Variants in SIGLEC5 observed in about 807,000 individuals in gnomAD.
SIGLEC5 encodes sialic acid-binding Ig-like lectin 5.
SIGLEC5 carries 34 observed loss-of-function variants against 45.9 expected under a neutral mutation model. That is an observed-to-expected ratio of 0.74 (90% CI 0.56 to 0.99). The LOEUF (loss-of-function observed/expected upper bound fraction) is 0.99. Among genes scored for constraint, SIGLEC5 ranks in the 50% least tolerant of loss-of-function variants. The probability of loss-of-function intolerance (pLI) is 0.00; values close to 1 mark genes in which losing one functional copy is unlikely to be tolerated. For synonymous variants in SIGLEC5, 203 were observed against 258.6 expected (o/e 0.79, Z 2.06); for missense variants, 508 against 629.6 (o/e 0.81, Z 2.07).
intron 8 of SIGLEC5, among the ~76,000 whole-genome samples, chr19:51,613,939 T>G (rs1982953012): frequency 6.6e-6 from 1 of 152,032 alleles, no homozygotes; most frequent in Admixed American, 6.5e-5. Flanking sequence ...CAAGGTGTCT[T>G]ATGTGCAAAC....
chr19:51,614,686 T>G (rs964341893), intron 8 of SIGLEC5, among the ~76,000 whole-genome samples: 1 of 152,162 alleles, frequency 6.6e-6, no homozygotes, highest in African/African-American at 2.4e-5. Flanking sequence ...CTCAGATTAG[T>G]AAATAGGACA....
At chr19:51,628,131 G>C (rs775967007) in intron 4 of SIGLEC5, 40 bp from the exon 5 acceptor site, 2 of 1,493,648 alleles carry the variant, frequency 1.3e-6, no homozygotes, top group African/African-American at 2.8e-5. Flanking sequence ...GATGGGGCCA[G>C]GGAGGCTGAC....
chr19:51,628,669 C>A (rs968903687), intron 4 of SIGLEC5, among the ~76,000 whole-genome samples: 1 of 147,114 alleles, frequency 6.8e-6, no homozygotes, highest in South Asian at 2.2e-4. Context: ...TGCATGTGTG[C>A]GTGTGTATGT....
In SIGLEC5 at chr19:51,627,688, T is replaced by C. The variant is rs533765364; in HGVS notation, c.1056A>G (p.Arg352=). 6.2e-7 allele frequency: 1 copy of C among 1,609,730 alleles called. No individual in the cohort carries two copies. The highest frequency in any genetic ancestry group is 1.7e-5 in the Admixed American group (1 of 59,456). Residue 352 remains arginine, a synonymous_variant, in exon 6 of 9, where the codon AGA becomes AGG. Coordinates refer to ENST00000683636, the MANE Select transcript of SIGLEC5 (RefSeq NM_003830.4). ...CSWEAEGLHC[R]CSFRARPAPS... ...GGGCCGGCCGGGCTCGAAAGGAGCA[T>C]CTGCAGTGCAGACCCTCAGCCTCCC...
chr19:51,627,424 C>T, intron 6 of SIGLEC5, 38 bp downstream of exon 6: 1 of 1,580,840 alleles, frequency 6.3e-7, no homozygotes, highest in Non-Finnish European at 8.6e-7. Context: ...CCATGCCCCT[C>T]CCCTCAGGCC....
chr19:51,628,918 G>A, intron 4 of SIGLEC5, 120 bp downstream of exon 4: 1 of 987,360 alleles, frequency 1.0e-6, no homozygotes, highest in Non-Finnish European at 1.6e-6. Context: ...GAAGCCAGAA[G>A]GCAGTAATTC....
Position 51,624,254 on chromosome 19 carries a change from G to A in SIGLEC5, c.1464+1778C>T, listed in dbSNP as rs147036077. ...ATACAATGTTGAGTCTACAAAGCAA[G>A]TCCAAGAAGTGTGCGTGGAACATGA... On this transcript the variant is annotated intron_variant, in intron 8 of 8. Transcript: ENST00000683636. Among the ~76,000 whole-genome samples, 5 of 152,264 alleles carry A rather than the reference G, an allele frequency of 3.3e-5. No individual in the cohort carries two copies. In the East Asian group the frequency reaches 9.6e-4, roughly 29 times the overall value.
chr19:51,623,881 C>T (rs4802831), intron 8 of SIGLEC5, among the ~76,000 whole-genome samples: 133,561 of 152,234 alleles, frequency 0.88, 58,784 homozygotes, highest in East Asian at 0.96. Context: ...AGGTGATAGA[C>T]ACAATCATAA....
chr19:51,616,925 A>AAAC (rs1983084512), intron 8 of SIGLEC5, among the ~76,000 whole-genome samples: 1 of 147,400 alleles, frequency 6.8e-6, no homozygotes, highest in African/African-American at 2.5e-5. Context: ...AAAACAAAAA[A>AAAC]AAAAAACACT....
intron 4 of SIGLEC5, 84 bp downstream of exon 4, chr19:51,628,954 T>C (rs976788238): frequency 1.5e-6 from 2 of 1,323,738 alleles, no homozygotes; most frequent in African/African-American, 1.5e-5. Context: ...CCAAATCTGA[T>C]TGCATTCAAG....
chr19:51,620,873 A>G (rs1983259203), intron 8 of SIGLEC5, among the ~76,000 whole-genome samples: 1 of 152,122 alleles, frequency 6.6e-6, no homozygotes, highest in Admixed American at 6.6e-5. Context: ...TTTTGTAGAG[A>G]TGGAGGGCTC....
At position 51,621,538 on chromosome 19, in the gene SIGLEC5, G is replaced by GC. The variant is rs1312622431; in HGVS notation, c.1464+4493dup. The GC allele has an allele frequency of 3.9e-5, 6 of 152,344 alleles. No homozygotes were observed. In the East Asian group the frequency reaches 1.2e-3, roughly 29 times the overall value. 9.4% of individuals were successfully genotyped at this position (152,344 alleles called of 1,614,324 possible). A position where few individuals can be genotyped will look rare whatever the true frequency, so the allele number is the denominator to read the frequency against. ...AGGCATTTCTTGCTCAGTACCTGAA[G>GC]CCCAAAAGGATGAGTTGATTCTTTA... On this transcript the variant is annotated intron_variant, in intron 8 of 8. Coordinates refer to ENST00000683636, the MANE Select transcript of SIGLEC5 (RefSeq NM_003830.4).
chr19:51,626,124 A>C lies in SIGLEC5; in HGVS notation c.1383-11T>G. On this transcript the variant is annotated splice_polypyrimidine_tract_variant and intron_variant, in intron 7 of 8. Coordinates refer to ENST00000683636, the MANE Select transcript of SIGLEC5 (RefSeq NM_003830.4). ...CTGCGGGCTTTCACTCTAAGGAAAG[A>C]AACCAGCACAGTGCAGCTGGGACCA... The C allele has an allele frequency of 1.2e-6, 2 of 1,612,468 alleles. No homozygotes were observed. The highest frequency in any genetic ancestry group is 1.7e-6 in the Non-Finnish European group (2 of 1,179,286).
rs760002872 is a variant in SIGLEC5 at position 51,627,946 on chromosome 19, A to G, written c.885T>C (p.Asn295=). The G allele has an allele frequency of 6.2e-7, 1 of 1,614,046 alleles. No homozygotes were observed. Among genetic ancestry groups the G allele is most frequent in the South Asian group, 1.1e-5 (1 of 91,070 alleles). The part of the protein sequence containing the change: ...SPALNATPIS[N]TGILELRRVR... ...CTCGACGAAGCTCCAAGATCCCGGTATTGGAGATGGGGGTGGCGTTCAGGG... is the reference window on the plus strand; with the variant it reads ...CTCGACGAAGCTCCAAGATCCCGGTGTTGGAGATGGGGGTGGCGTTCAGGG... The change falls in exon 5 of 9, where the codon AAT becomes AAC. Residue 295 remains asparagine, a synonymous_variant. Coordinates refer to ENST00000683636, the MANE Select transcript of SIGLEC5 (RefSeq NM_003830.4).
chr19:51,627,004 A>T (rs1188916211), intron 7 of SIGLEC5, 145 bp downstream of exon 7: 1 of 624,198 alleles, frequency 1.6e-6, no homozygotes, highest in Non-Finnish European at 2.8e-6. Flanking sequence ...TCCATGATCA[A>T]GTGATCCTCC....
Position 51,611,325 on chromosome 19 carries a change from A to G in SIGLEC5, c.*906T>C, listed in dbSNP as rs1377803762. Among the ~76,000 whole-genome samples, 2 of 152,268 alleles carry G rather than the reference A, an allele frequency of 1.3e-5. No homozygotes were observed. Among genetic ancestry groups the G allele is most frequent in the African/African-American group, 2.4e-5 (1 of 41,462 alleles). On this transcript the variant is annotated 3_prime_UTR_variant, in exon 9 of 9. Transcript: ENST00000683636. ...CCACTCTTCCAACTCAAGACCACCC[A>G]TTAACTCATGTTTGGAGGAAAAGAT... is the stretch of plus-strand genomic sequence containing the variant.
rs925484185 is a variant in SIGLEC5, at chr19:51,611,646, A to G, written c.*585T>C. ...GTCTCATAAATGAAGGACTGGAGCC[A>G]AAGGAATATGATGCAAGGATTGCAG... On this transcript the variant is annotated 3_prime_UTR_variant, in exon 9 of 9. Coordinates refer to ENST00000683636, the MANE Select transcript of SIGLEC5 (RefSeq NM_003830.4). Among the ~76,000 whole-genome samples, 17 of 152,220 alleles carry G rather than the reference A, an allele frequency of 1.1e-4. No individual in the cohort carries two copies. The highest frequency in any genetic ancestry group is 1.9e-4 in the Non-Finnish European group (13 of 68,038).
At position 51,627,506 on chromosome 19, in the gene SIGLEC5, C is replaced by CG. The variant is rs1421763835; in HGVS notation, c.1237_1238insC (p.Trp413SerfsTer66). The CG allele has an allele frequency of 6.2e-7, 1 of 1,613,946 alleles. No individual in the cohort carries two copies. The highest frequency in any genetic ancestry group is 8.5e-7 in the Non-Finnish European group (1 of 1,180,028). On this transcript the variant is annotated frameshift_variant, in exon 6 of 9. Coordinates refer to ENST00000683636, the MANE Select transcript of SIGLEC5 (RefSeq NM_003830.4). LOFTEE classifies it high-confidence loss of function. ...GCCGCTCTGGGACCCATAGATGTTC[C>CG]AGGCCTTGCAGCTGACTTTGAGGTC...
chr19:51,617,083 G>A (rs1345480591), intron 8 of SIGLEC5, among the ~76,000 whole-genome samples: 3 of 151,472 alleles, frequency 2.0e-5, no homozygotes, highest in Admixed American at 6.6e-5. Context: ...GTGAAACCCC[G>A]TCTCTACTAA....
Sources: gnomAD v4.1 joint callset for allele counts (sites outside exome capture counted in the v4.1 genomes callset) on GRCh38, gnomAD v4.1.1 for gene constraint, MANE v1.5 for transcripts, NCBI Gene and HGNC (gene_info 2026-07-23, HGNC 2026-07-21) for gene names.